Variants in ARMH3 observed in about 807,000 individuals in gnomAD.
ARMH3 encodes the protein armadillo-like helical domain-containing protein 3.
Under a neutral mutation model 99.1 loss-of-function variants are expected in ARMH3, and 60 were observed. The observed-to-expected ratio is 0.61, with a 90% CI of 0.49 to 0.75. The LOEUF (loss-of-function observed/expected upper bound fraction) is 0.75. ARMH3 is among the 30% of genes least tolerant of loss of function. The pLI is 0.00. For missense variants in ARMH3, 679 were observed against 843.1 expected (o/e 0.81, Z 2.41); for synonymous variants, 285 against 292.8 (o/e 0.97, Z 0.27).
In ARMH3 at chr10:101,918,014, A is replaced by G. The variant is rs1843152182; in HGVS notation, c.1781+21849T>C. ...TTAATAATCAATTTTCAATTGAGCC[A>G]AGAATCTCCAGTATATCATGGGGTT... On this transcript the variant is annotated intron_variant, in intron 23 of 25. Transcript: ENST00000370033. Among the ~76,000 whole-genome samples the G allele has an allele frequency of 2.0e-5, 3 of 152,136 alleles. No homozygotes were observed. In the South Asian group the frequency reaches 6.2e-4, roughly 32 times the overall value.
intron 15 of ARMH3, among the ~76,000 whole-genome samples, chr10:101,997,924 A>G (rs1179363501): frequency 6.6e-6 from 1 of 152,200 alleles, no homozygotes; most frequent in Non-Finnish European, 1.5e-5. Flanking sequence ...AGATGCTGTT[A>G]GCCAAGGCAT....
chr10:102,017,474 CG>C (rs1450531393), intron 8 of ARMH3, among the ~76,000 whole-genome samples: 2 of 152,164 alleles, frequency 1.3e-5, no homozygotes, highest in Non-Finnish European at 2.9e-5. Flanking sequence ...AGCCAGGATT[CG>C]GATCACAATC....
Position 101,847,333 on chromosome 10 carries a change from C to A in ARMH3, c.*195G>T. On this transcript the variant is annotated 3_prime_UTR_variant, in exon 26 of 26. Transcript: ENST00000370033. ...CCCCACTGTGCCCACCCATTCCTCC[C>A]CAAATAAGATTATCCCTGGCTTGAC... 1.8e-6 allele frequency: 1 copy of A among 561,726 alleles called. No homozygotes were observed. Among genetic ancestry groups the A allele is most frequent in the South Asian group, 2.1e-5 (1 of 48,168 alleles). 34.8% of individuals were successfully genotyped at this position (561,726 alleles called of 1,614,324 possible).
chr10:102,011,558 C>T (rs1312904506), intron 11 of ARMH3, among the ~76,000 whole-genome samples, 165 bp downstream of exon 11: 2 of 151,804 alleles, frequency 1.3e-5, no homozygotes, highest in Non-Finnish European at 2.9e-5. Context: ...AAGAAAGAAA[C>T]TCAGTAAAGG....
At chr10:102,001,107 G>A (rs866680272) in intron 15 of ARMH3, among the ~76,000 whole-genome samples, 23 of 152,214 alleles carry the variant, frequency 1.5e-4, no homozygotes, top group Admixed American at 3.3e-4. Flanking sequence ...ATGAGCCACC[G>A]TACCCAGCCA....
rs185686677 is a variant in ARMH3 at position 102,000,880 on chromosome 10, G to A, written c.1150+1091C>T. The stretch of plus-strand genomic sequence containing the variant: ...CATGCAAGCTGGGGTACAGTGGCGC[G>A]ATCTCAACTCTCTACAACCTCCACC... On this transcript the variant is annotated intron_variant, in intron 15 of 25. Transcript: ENST00000370033. Among the ~76,000 whole-genome samples the A allele has an allele frequency of 3.0e-4, 46 of 151,982 alleles. No homozygotes were observed. The East Asian group carries it at 8.0e-3, about 26-fold the overall frequency.
At chr10:101,877,087 TAGTCCCAGCTACTC>T (rs2067287228) in intron 24 of ARMH3, among the ~76,000 whole-genome samples, 1 of 152,044 alleles carries the variant, frequency 6.6e-6, no homozygotes, top group Non-Finnish European at 1.5e-5. Flanking sequence ...CGCACACCTG[TAGTCCCAGCTACTC>T]AGCTGGGACT....
intron 23 of ARMH3, among the ~76,000 whole-genome samples, chr10:101,914,704 A>G (rs1399938051): frequency 6.6e-6 from 1 of 151,266 alleles, no homozygotes; most frequent in Non-Finnish European, 1.5e-5. Context: ...CGTCTCTACT[A>G]AAAATACAAA....
chr10:102,006,573 T>C lies in ARMH3; in HGVS notation c.1015A>G (p.Thr339Ala), dbSNP rs1450961595. Reference sequence around the variant, plus strand: ...GAAGGCGGTGTGGTCCCAAGTGGTGTGACTGGGGTTGTAGGAGCAGGACTG... The same window carrying C: ...GAAGGCGGTGTGGTCCCAAGTGGTGCGACTGGGGTTGTAGGAGCAGGACTG... ...PVSPAPTTPV[T>A]PLGTTPPSSD... is the part of the protein sequence containing the mutation. Residue 339 changes from threonine to alanine, a missense_variant, in exon 14 of 26, where the codon ACA becomes GCA. Thr to Ala is a moderately conservative substitution (Grantham distance 58). Around this residue, in one of 3 missense-constraint regions of ARMH3, gnomAD observed 389 missense variants for 456.5 expected, o/e 0.85. Coordinates refer to ENST00000370033, the MANE Select transcript of ARMH3 (RefSeq NM_024541.3). 1 of 1,614,004 alleles carries C rather than the reference T, an allele frequency of 6.2e-7. No homozygotes were observed. Among genetic ancestry groups the C allele is most frequent in the East Asian group, 2.2e-5 (1 of 44,882 alleles).
At chr10:101,878,725 G>A (rs1263332386) in intron 24 of ARMH3, among the ~76,000 whole-genome samples, 1 of 152,006 alleles carries the variant, frequency 6.6e-6, no homozygotes, top group African/African-American at 2.4e-5. Flanking sequence ...ATTTTGAGAG[G>A]CTGAGGCAGG....
chr10:101,924,053 A>G (rs1843407779), intron 23 of ARMH3, among the ~76,000 whole-genome samples: 1 of 152,352 alleles, frequency 6.6e-6, no homozygotes, highest in African/African-American at 2.4e-5. Context: ...AATAGATCAA[A>G]GCATCTGGAT....
intron 24 of ARMH3, among the ~76,000 whole-genome samples, chr10:101,881,133 T>C (rs2067406127): frequency 6.6e-6 from 1 of 152,216 alleles, no homozygotes; most frequent in African/African-American, 2.4e-5. Context: ...TTTGAAGATA[T>C]GTCTTATACA....
chr10:101,991,348 C>A lies in ARMH3; in HGVS notation c.1345+621G>T, dbSNP rs187184113. On this transcript the variant is annotated intron_variant, in intron 18 of 25. Coordinates refer to ENST00000370033, the MANE Select transcript of ARMH3 (RefSeq NM_024541.3). ...CATGAACTTCAAGCCTCCTGGCCAG[C>A]CAGCACATCAATTCAAACCAAGAAA... 6.6e-5 allele frequency among the ~76,000 whole-genome samples: 10 copies of A among 152,234 alleles called. No homozygotes were observed. The East Asian group carries it at 1.2e-3, about 18-fold the overall frequency.
intron 9 of ARMH3, among the ~76,000 whole-genome samples, chr10:102,013,115 G>A (rs567110380): frequency 5.9e-5 from 9 of 152,240 alleles, no homozygotes; most frequent in East Asian, 3.9e-4. Flanking sequence ...ATTATCAAGC[G>A]GTGAAACAGA....
At chr10:102,031,511 C>T (rs1460572220) in intron 4 of ARMH3, among the ~76,000 whole-genome samples, 1 of 152,146 alleles carries the variant, frequency 6.6e-6, no homozygotes, top group African/African-American at 2.4e-5. Flanking sequence ...TTCATTGAGC[C>T]CCTATGCTAC....
At position 101,928,445 on chromosome 10, in the gene ARMH3, T is replaced by A. The variant is rs146028191; in HGVS notation, c.1781+11418A>T. ...CAATATTCTAGAAATAGTTCCTAAT[T>A]TGAGCCAATAAAAACGGGCCACAAT... On this transcript the variant is annotated intron_variant, in intron 23 of 25. Coordinates refer to ENST00000370033, the MANE Select transcript of ARMH3 (RefSeq NM_024541.3). Among the ~76,000 whole-genome samples, 106 of 152,250 alleles carry A rather than the reference T, an allele frequency of 7.0e-4. No homozygotes were observed. In the East Asian group the frequency reaches 0.018, roughly 26 times the overall value.
chr10:102,039,912 C>G, intron 2 of ARMH3, 101 bp downstream of exon 2: 1 of 1,123,070 alleles, frequency 8.9e-7, no homozygotes, highest in South Asian at 1.3e-5. Flanking sequence ...TCCCACATCC[C>G]CCAAGGAACC....
intron 22 of ARMH3, among the ~76,000 whole-genome samples, chr10:101,942,410 T>C (rs1242775872): frequency 1.3e-5 from 2 of 152,222 alleles, no homozygotes; most frequent in Admixed American, 1.3e-4. Context: ...CTATGCTTTT[T>C]CTTTAGTATT....
At chr10:102,053,122 G>C (rs941782597) in intron 1 of ARMH3, among the ~76,000 whole-genome samples, 1 of 144,172 alleles carries the variant, frequency 6.9e-6, no homozygotes, top group African/African-American at 2.6e-5. Flanking sequence ...TCAGTCAATT[G>C]CAACAACTCT....
Sources: allele counts gnomAD v4.1 joint callset (sites outside exome capture counted in the v4.1 genomes callset), GRCh38; gene constraint gnomAD v4.1.1; regional missense constraint gnomAD v4.1.1; transcripts MANE v1.5; gene names NCBI Gene and HGNC (gene_info 2026-07-23, HGNC 2026-07-21).